Variants in KIF24 observed in about 807,000 individuals in gnomAD.
KIF24 encodes kinesin family member 24, also known as kinesin-like protein KIF24.
In KIF24, 81 loss-of-function variants were observed where a neutral mutation model predicts 118.9. The observed-to-expected ratio is 0.68, with a 90% CI of 0.57 to 0.82. The LOEUF is 0.82. Ranked by LOEUF, KIF24 falls within the 40% of genes least tolerant of loss-of-function variation. KIF24 has a pLI of 0.00. For missense variants in KIF24, 1,560 were observed against 1,661.6 expected (o/e 0.94, Z 1.06); for synonymous variants, 599 against 610.0 (o/e 0.98, Z 0.27).
chr9:34,254,363 C>A lies in KIF24; in HGVS notation c.*17G>T. The A allele has an allele frequency of 6.2e-7, 1 of 1,603,874 alleles. No homozygotes were observed. On this transcript the variant is annotated 3_prime_UTR_variant, in exon 13 of 13. Transcript: ENST00000402558. Reference sequence around the variant, plus strand: ...GACTCCTGCAGGGCCCCCACCATCTCGGCACAGGGTCTGGCTCTAAGACGG... The same window carrying A: ...GACTCCTGCAGGGCCCCCACCATCTAGGCACAGGGTCTGGCTCTAAGACGG...
chr9:34,289,034 A>G (rs956725292), intron 5 of KIF24, among the ~76,000 whole-genome samples: 1 of 152,186 alleles, frequency 6.6e-6, no homozygotes, highest in Admixed American at 6.5e-5. Flanking sequence ...CCAAGAAGGT[A>G]AAAAAGAAAG....
chr9:34,321,487 T>G (rs113137035), intron 1 of KIF24, among the ~76,000 whole-genome samples: 2 of 151,706 alleles, frequency 1.3e-5, no homozygotes, highest in African/African-American at 4.8e-5. Flanking sequence ...TGATTACGCA[T>G]TTGCAGGAGA....
At position 34,256,815 on chromosome 9, in the gene KIF24, G is replaced by A. The variant is rs572790312; in HGVS notation, c.2792C>T (p.Pro931Leu). 2.5e-6 allele frequency: 4 copies of A among 1,613,958 alleles called. No individual in the cohort carries two copies. The highest frequency in any genetic ancestry group is 1.3e-5 in the African/African-American group (1 of 75,026). ...TGGCTTCTCTGCCAGGCTGTCTCTG[G>A]GAGAAGGCCCTGAGGAAGTAGAGTT... ...RENSTSSGPS[P>L]RDSLAEKPYC... is the part of the protein sequence containing the mutation. Residue 931 changes from proline (P) to leucine (L), a missense_variant, in exon 11 of 13, where the codon CCC (proline) becomes CTC (leucine). Around this residue, in one of 3 missense-constraint regions of KIF24, gnomAD observed 591 missense variants for 655.6 expected, o/e 0.90. Coordinates refer to ENST00000402558, the MANE Select transcript of KIF24 (RefSeq NM_194313.4).
intron 1 of KIF24, among the ~76,000 whole-genome samples, chr9:34,328,033 TC>T (rs1412091018): frequency 6.6e-6 from 1 of 152,118 alleles, no homozygotes; most frequent in African/African-American, 2.4e-5. Context: ...ACTTTTTCAC[TC>T]CTTTTATTAA....
At chr9:34,254,580 G>C (rs1834746499) in intron 12 of KIF24, 60 bp from the exon 13 acceptor site, 17 of 1,542,042 alleles carry the variant, frequency 1.1e-5, no homozygotes, top group Non-Finnish European at 1.5e-5. Flanking sequence ...TGCCAGATCT[G>C]CTTTTTCAGT....
At chr9:34,265,701 A>G (rs1835259080) in intron 8 of KIF24, among the ~76,000 whole-genome samples, 1 of 152,132 alleles carries the variant, frequency 6.6e-6, no homozygotes, top group Non-Finnish European at 1.5e-5. Context: ...AATTAATCAT[A>G]TTATAAATAA....
chr9:34,330,205 C>T (rs1158912499), upstream of KIF24, among the ~76,000 whole-genome samples: 1 of 152,118 alleles, frequency 6.6e-6, no homozygotes, highest in Non-Finnish European at 1.5e-5. Context: ...AGATCGAGAC[C>T]ATCCTGGCTA....
chr9:34,302,740 T>G (rs1326894274), intron 3 of KIF24, among the ~76,000 whole-genome samples: 2 of 151,790 alleles, frequency 1.3e-5, no homozygotes, highest in African/African-American at 4.8e-5. Flanking sequence ...GTGCTGGGAT[T>G]ACAGGTGTAA....
At chr9:34,272,829 G>C (rs538207334) in intron 6 of KIF24, among the ~76,000 whole-genome samples, 4 of 152,058 alleles carry the variant, frequency 2.6e-5, no homozygotes, top group Admixed American at 6.6e-5. Flanking sequence ...TTACTATGTT[G>C]CCCAGGCTGG....
intron 3 of KIF24, among the ~76,000 whole-genome samples, chr9:34,300,298 TAGAG>T (rs1183252022): frequency 1.3e-5 from 2 of 152,088 alleles, no homozygotes; most frequent in Non-Finnish European, 2.9e-5. Flanking sequence ...GACAGGCACA[TAGAG>T]AGGTCATTAA....
Position 34,256,467 on chromosome 9 carries a change from C to T in KIF24, c.3140G>A (p.Gly1047Glu). 6.2e-7 allele frequency: 1 copy of T among 1,613,820 alleles called. No homozygotes were observed. The highest frequency in any genetic ancestry group is 8.5e-7 in the Non-Finnish European group (1 of 1,179,810). The stretch of plus-strand genomic sequence containing the variant: ...GGACATGGTGAGGGGAGACATGAGT[C>T]CAGAAGCATATTCAGCATGCGTGCC... The part of the protein sequence containing the change: ...QLGTHAEYAS[G>E]LMSPLTMSLL... The change falls in exon 11 of 13, where the codon GGA becomes GAA. Residue 1047 changes from glycine to glutamate, a missense_variant. Physicochemically the swap from Gly to Glu is moderately conservative, Grantham distance 98. Transcript: ENST00000402558.
chr9:34,309,882 G>GT (rs1216837608), intron 2 of KIF24, among the ~76,000 whole-genome samples: 1 of 150,962 alleles, frequency 6.6e-6, no homozygotes, highest in African/African-American at 2.4e-5. Flanking sequence ...ATGAATAACA[G>GT]TATTTTTAAA....
chr9:34,286,512 C>G (rs1164930274), intron 6 of KIF24, 105 bp downstream of exon 6: 4 of 746,590 alleles, frequency 5.4e-6, no homozygotes, highest in Non-Finnish European at 9.3e-6. Context: ...TGTCATTGCC[C>G]TTTGCCTAAA....
Position 34,256,263 on chromosome 9 carries a change from G to A in KIF24, c.3344C>T (p.Ser1115Phe). The A allele has an allele frequency of 6.2e-7, 1 of 1,607,756 alleles. No homozygotes were observed. Among genetic ancestry groups the A allele is most frequent in the South Asian group, 1.1e-5 (1 of 90,230 alleles). Residue 1115 changes from serine (S) to phenylalanine (F), a missense_variant, in exon 11 of 13, where the codon TCC becomes TTC. Physicochemically the swap from Ser to Phe is radical, Grantham distance 155. Transcript: ENST00000402558. ...AGGCTTATTATCAGGGGGAGATGAG[G>A]ACAGCCACAGGTGCCTAGTTGCTGA... ...VSSATRHLWL[S>F]SSPPDNKPGG...
intron 8 of KIF24, 114 bp downstream of exon 8, chr9:34,269,143 A>G (rs1835404579): frequency 3.5e-6 from 2 of 572,462 alleles, no homozygotes; most frequent in Non-Finnish European, 6.2e-6. Flanking sequence ...CTATTACTAC[A>G]TAAGAACAGG....
At position 34,263,263 on chromosome 9, in the gene KIF24, T is replaced by TC. The variant is rs1273344242; in HGVS notation, c.1444-92dup. The TC allele has an allele frequency of 2.2e-5, 19 of 871,048 alleles. No homozygotes were observed. The African/African-American group carries it at 3.2e-4, about 14-fold the overall frequency. 54.0% of individuals were successfully genotyped at this position (871,048 alleles called of 1,614,324 possible). ...GCCTCCACAGGAAGCTTGTTTTTCT[T>TC]CAATAAACCACACTCAGACAATCCT... On this transcript the variant is annotated intron_variant, in intron 8 of 12. Transcript: ENST00000402558.
intron 1 of KIF24, among the ~76,000 whole-genome samples, chr9:34,328,016 G>A (rs1837733476): frequency 6.6e-6 from 1 of 152,072 alleles, no homozygotes; most frequent in East Asian, 1.9e-4. Context: ...CATAGCTGCT[G>A]TACTGAACTT....
chr9:34,285,388 G>A (rs1836000085), intron 6 of KIF24, among the ~76,000 whole-genome samples: 1 of 152,154 alleles, frequency 6.6e-6, no homozygotes, highest in Non-Finnish European at 1.5e-5. Context: ...AGCACTTTAA[G>A]AGGCCAAGGT....
rs10537521 is a variant in KIF24 at position 34,288,848 on chromosome 9, C to CCACACACACA, written c.1127+1316_1127+1325dup. On this transcript the variant is annotated intron_variant, in intron 5 of 12. Coordinates refer to ENST00000402558, the MANE Select transcript of KIF24 (RefSeq NM_194313.4). ...CCTAACCTCCCTTCACCCAAATAAA[C>CCACACACACA]CACACACACACACACACACACACAC... Among the ~76,000 whole-genome samples, 660 of 138,956 alleles carry CCACACACACA rather than the reference C, an allele frequency of 4.7e-3. 7 individuals are homozygous for CCACACACACA. The highest frequency in any genetic ancestry group is 0.017 in the African/African-American group (624 of 36,496). The allele number at this position is 138,956 out of a possible 152,430, so 91.2% of individuals were successfully genotyped here.
Sources: gnomAD v4.1 joint callset for allele counts (sites outside exome capture counted in the v4.1 genomes callset) on GRCh38, gnomAD v4.1.1 for gene constraint, gnomAD v4.1.1 regional missense constraint, MANE v1.5 for transcripts, NCBI Gene and HGNC (gene_info 2026-07-23, HGNC 2026-07-21) for gene names.